Variants in TAFA4 observed in about 807,000 individuals in gnomAD.
The protein encoded by TAFA4 is chemokine-like protein TAFA-4.
A neutral mutation model predicts 21.1 loss-of-function variants in TAFA4; 20 were observed. The observed-to-expected ratio is 0.95, with a 90% CI of 0.67 to 1.38. TAFA4 has a LOEUF of 1.38. Among genes scored for constraint, TAFA4 ranks in the 40% most tolerant of loss-of-function variants. TAFA4 has a pLI of 0.00. For synonymous variants in TAFA4, 71 were observed against 67.4 expected (o/e 1.05, Z -0.26); for missense variants, 211 against 180.9 (o/e 1.17, Z -0.95).
chr3:68,874,908 A>G (rs7623654), intron 3 of TAFA4, among the ~76,000 whole-genome samples: 6,588 of 152,252 alleles, frequency 0.043, 519 homozygotes, highest in African/African-American at 0.15. Context: ...AGAAGAAGCC[A>G]AATATGAACA....
At chr3:68,765,421 T>C (rs1702834193) in intron 3 of TAFA4, among the ~76,000 whole-genome samples, 1 of 152,218 alleles carries the variant, frequency 6.6e-6, no homozygotes, top group Non-Finnish European at 1.5e-5. Context: ...AGCTGCATTT[T>C]TTTTTATCAT....
At chr3:68,809,303 G>A (rs1239443883) in intron 3 of TAFA4, among the ~76,000 whole-genome samples, 1 of 152,136 alleles carries the variant, frequency 6.6e-6, no homozygotes, top group Admixed American at 6.6e-5. Context: ...TTTCATTGAA[G>A]CCACCAGTTT....
chr3:68,820,907 T>TA (rs1182339522), intron 3 of TAFA4, among the ~76,000 whole-genome samples: 2 of 152,208 alleles, frequency 1.3e-5, no homozygotes, highest in Admixed American at 6.5e-5. Context: ...ACCATAATTT[T>TA]AGAAAATGCA....
At chr3:68,930,147 T>C (rs985212014) in intron 1 of TAFA4, among the ~76,000 whole-genome samples, 1 of 152,206 alleles carries the variant, frequency 6.6e-6, no homozygotes, top group South Asian at 2.1e-4. Context: ...TTTTCTTTTT[T>C]AATTACTAAA....
intron 3 of TAFA4, among the ~76,000 whole-genome samples, chr3:68,850,097 A>G (rs1575640235): frequency 6.6e-6 from 1 of 152,060 alleles, no homozygotes; most frequent in East Asian, 1.9e-4. Context: ...CAGAATCTAT[A>G]CCCTCCTCTT....
chr3:68,810,388 G>A (rs1047048781), intron 3 of TAFA4, among the ~76,000 whole-genome samples: 2 of 152,180 alleles, frequency 1.3e-5, no homozygotes, highest in Admixed American at 6.5e-5. Context: ...ACCTCACCTG[G>A]GAAGCACAAG....
chr3:68,801,384 T>C (rs888230782), intron 3 of TAFA4, among the ~76,000 whole-genome samples: 2 of 152,210 alleles, frequency 1.3e-5, no homozygotes, highest in African/African-American at 2.4e-5. Flanking sequence ...GGGGGAAATA[T>C]ATAGGTCCAG....
intron 3 of TAFA4, among the ~76,000 whole-genome samples, chr3:68,831,171 G>C (rs1405720284): frequency 6.6e-6 from 1 of 152,160 alleles, no homozygotes; most frequent in African/African-American, 2.4e-5. Context: ...TTTAATTGGG[G>C]CCTTTAGCCC....
At chr3:68,742,874 A>G (rs1300228358) in intron 4 of TAFA4, among the ~76,000 whole-genome samples, 1 of 152,244 alleles carries the variant, frequency 6.6e-6, no homozygotes, top group African/African-American at 2.4e-5. Context: ...CCCAAGTGCT[A>G]ACGCTTATAT....
At chr3:68,887,005 C>A (rs1687953607) in intron 1 of TAFA4, among the ~76,000 whole-genome samples, 1 of 152,130 alleles carries the variant, frequency 6.6e-6, no homozygotes, top group Admixed American at 6.5e-5. Context: ...CCAAAAGCAT[C>A]AATTCAAAAG....
At chr3:68,761,584 G>A (rs1702756682) in intron 3 of TAFA4, among the ~76,000 whole-genome samples, 1 of 152,236 alleles carries the variant, frequency 6.6e-6, no homozygotes, top group Admixed American at 6.5e-5. Context: ...TGAAAGGTGT[G>A]TGGGTGATTA....
chr3:68,812,721 T>C (rs980742727), intron 3 of TAFA4, among the ~76,000 whole-genome samples: 3 of 152,100 alleles, frequency 2.0e-5, no homozygotes, highest in African/African-American at 7.2e-5. Flanking sequence ...CACACAATAA[T>C]AATGGGAGAC....
intron 3 of TAFA4, among the ~76,000 whole-genome samples, chr3:68,789,259 T>C (rs940941307): frequency 4.0e-5 from 6 of 151,866 alleles, no homozygotes; most frequent in Non-Finnish European, 7.4e-5. Context: ...CTTTAATCCA[T>C]TTGGAGTTGA....
intron 3 of TAFA4, among the ~76,000 whole-genome samples, chr3:68,825,891 C>T (rs1426027957): frequency 1.3e-5 from 2 of 152,172 alleles, no homozygotes; most frequent in African/African-American, 4.8e-5. Flanking sequence ...AAAACTTCAT[C>T]AGTTCAAACA....
intron 3 of TAFA4, among the ~76,000 whole-genome samples, chr3:68,801,727 G>C (rs1363487759): frequency 6.6e-6 from 1 of 152,006 alleles, no homozygotes; most frequent in Non-Finnish European, 1.5e-5. Context: ...CTGTTATATT[G>C]GTACAATCAT....
At chr3:68,875,549 T>C (rs1445714986) in intron 3 of TAFA4, among the ~76,000 whole-genome samples, 3 of 152,078 alleles carry the variant, frequency 2.0e-5, no homozygotes, top group East Asian at 3.9e-4. Flanking sequence ...AATACATCCA[T>C]AGATTTACTG....
chr3:68,853,301 T>A (rs1433658594), intron 3 of TAFA4, among the ~76,000 whole-genome samples: 3 of 152,186 alleles, frequency 2.0e-5, no homozygotes, highest in African/African-American at 7.2e-5. Context: ...ATGAGTCAGT[T>A]GTGTTTTGAA....
chr3:68,764,756 T>C (rs1702816947), intron 3 of TAFA4, among the ~76,000 whole-genome samples: 1 of 152,180 alleles, frequency 6.6e-6, no homozygotes, highest in Admixed American at 6.5e-5. Flanking sequence ...GCAGGGCCAC[T>C]AGTGGAGAGG....
chr3:68,781,011 T>C (rs1379086524), intron 3 of TAFA4, among the ~76,000 whole-genome samples: 1 of 152,058 alleles, frequency 6.6e-6, no homozygotes, highest in Non-Finnish European at 1.5e-5. Flanking sequence ...ATCCAAACTA[T>C]TGAAAAGTAA....
Sources: gnomAD v4.1 joint callset for allele counts (sites outside exome capture counted in the v4.1 genomes callset) on GRCh38, gnomAD v4.1.1 for gene constraint, MANE v1.5 for transcripts, NCBI Gene and HGNC (gene_info 2026-07-23, HGNC 2026-07-21) for gene names.